The following ABCA3 variants were observed in gnomAD, a reference collection of about 807,000 sequenced individuals.
ABCA3 encodes the protein phospholipid-transporting ATPase ABCA3.
In ABCA3, 88 loss-of-function variants were observed where a neutral mutation model predicts 172.8. That is an observed-to-expected ratio of 0.51 (90% confidence interval 0.43 to 0.61). The LOEUF (loss-of-function observed/expected upper bound fraction) is 0.61. Among genes scored for constraint, ABCA3 ranks in the 20% least tolerant of loss-of-function variants. The pLI is 0.00. For synonymous variants in ABCA3, 1,066 were observed against 983.8 expected, an observed-to-expected ratio of 1.08 and a Z score of -1.56; for missense variants, 2,164 against 2,301.0, an observed-to-expected ratio of 0.94 and a Z score of 1.22.
At position 2,297,329 on chromosome 16, in the gene ABCA3, C is replaced by T. The variant is rs780830278; in HGVS notation, c.2263G>A (p.Gly755Ser). 24 of 1,610,366 alleles carry T rather than the reference C, an allele frequency of 1.5e-5. No individual in the cohort carries two copies. Among genetic ancestry groups the T allele is most frequent in the East Asian group, 2.2e-5 (1 of 44,854 alleles). Reference protein sequence around the residue: ...GSSLFLKQKYGAGYHMTLVKE... With the variant: ...GSSLFLKQKYSAGYHMTLVKE... ...GTCGCGGGCTGGCCCCACCGCTCAC[C>T]GTATTTCTGCTTGAGGAACAGCGAG... The change falls in exon 17 of 33, where the codon GGT becomes AGT. Residue 755 changes from glycine to serine, a missense_variant and splice_region_variant. Physicochemically the swap from Gly to Ser is moderately conservative, Grantham distance 56 (BLOSUM62 0). Coordinates refer to ENST00000301732, the MANE Select transcript of ABCA3 (RefSeq NM_001089.3). The surrounding 1 kb of genome is among the most constrained non-coding windows in gnomAD (Gnocchi z 5.6).
At chr16:2,301,839 G>A (rs929164008) in intron 12 of ABCA3, among the ~76,000 whole-genome samples, 3 of 152,190 alleles carry the variant, frequency 2.0e-5, no homozygotes, top group Non-Finnish European at 4.4e-5. Context: ...TTGGGAGCAA[G>A]CCCCCCAAAG....
rs904552068 is a variant in ABCA3, at chr16:2,277,685, G to A, written c.4910-15C>T. On this transcript the variant is annotated splice_polypyrimidine_tract_variant and intron_variant, in intron 31 of 32. Coordinates refer to ENST00000301732, the MANE Select transcript of ABCA3 (RefSeq NM_001089.3). This position sits in a 1 kb window ranked among gnomAD's most constrained non-coding sequence, Gnocchi z 5.3. ...CAGGACGCTGCCTGCACAAAGGAGAGACGGTGTTGCTGTGAGCGCCGGGCT... is the reference window on the plus strand; with the variant it reads ...CAGGACGCTGCCTGCACAAAGGAGAAACGGTGTTGCTGTGAGCGCCGGGCT... 1.9e-6 allele frequency: 3 copies of A among 1,613,020 alleles called. No individual in the cohort carries two copies. The highest frequency in any genetic ancestry group is 2.7e-5 in the African/African-American group (2 of 74,952).
Position 2,308,676 on chromosome 16 carries a change from G to A in ABCA3, c.1112-53C>T, listed in dbSNP as rs1185159333. 7 of 1,606,608 alleles carry A rather than the reference G, an allele frequency of 4.4e-6. No individual in the cohort carries two copies. The South Asian group carries it at 5.5e-5, about 13-fold the overall frequency. ...GTGAGCGTCAGTGCCCTCAAAAGGG[G>A]CTTGGGCTCCCCGAGGTACAGGCAA... On this transcript the variant is annotated intron_variant, in intron 10 of 32. Coordinates refer to ENST00000301732, the MANE Select transcript of ABCA3 (RefSeq NM_001089.3).
rs2093745367 is a variant in ABCA3, at chr16:2,332,701, GTCT to G, written c.-538-2850_-538-2848del. 3 of 1,515,740 alleles carry G rather than the reference GTCT, an allele frequency of 2.0e-6. No homozygotes were observed. The South Asian group carries it at 3.4e-5, about 17-fold the overall frequency. 93.9% of individuals were successfully genotyped at this position (1,515,740 alleles called of 1,614,324 possible). ...TTTGCAGTGTGCCACAGCTGTGGCT[GTCT>G]TCTTGTGTCCAAAGACCCGCACCGA... is the stretch of plus-strand genomic sequence containing the variant. On this transcript the variant is annotated intron_variant, in intron 1 of 32. Coordinates refer to ENST00000301732, the MANE Select transcript of ABCA3 (RefSeq NM_001089.3).
At chr16:2,280,975 C>G in intron 28 of ABCA3, 52 bp downstream of exon 28, 1 of 1,611,706 alleles carries the variant, frequency 6.2e-7, no homozygotes, top group Middle Eastern at 1.6e-4. Flanking sequence ...CCAGGGTGCC[C>G]CCTCCAGCCA....
At chr16:2,337,809 T>TG (rs1334651993) in intron 1 of ABCA3, among the ~76,000 whole-genome samples, 1 of 152,230 alleles carries the variant, frequency 6.6e-6, no homozygotes, top group East Asian at 1.9e-4. Flanking sequence ...TCGCAGGCCC[T>TG]GATGGAGCCC....
At chr16:2,322,864 G>C (rs1159337264) in intron 7 of ABCA3, among the ~76,000 whole-genome samples, 3 of 152,094 alleles carry the variant, frequency 2.0e-5, no homozygotes, top group South Asian at 4.1e-4. Flanking sequence ...AGAGTGAACA[G>C]GGAACCTACA....
Position 2,295,630 on chromosome 16 carries a change from C to T in ABCA3, c.2374G>A (p.Ala792Thr). ...PNATLESSAG[A>T]ELSFILPRES... ...CTGGGAAGGATGAAAGACAGCTCGG[C>T]CCCAGCGCTGCTCTCCAGCGTGGCG... Residue 792 changes from alanine (A) to threonine (T), a missense_variant, in exon 18 of 33, where the codon GCC (alanine) becomes ACC (threonine). Ala to Thr is a moderately conservative substitution (Grantham distance 58). Transcript: ENST00000301732. The T allele has an allele frequency of 2.5e-6, 4 of 1,613,938 alleles. No homozygotes were observed. In the South Asian group the frequency reaches 4.4e-5, roughly 18 times the overall value.
At chr16:2,276,941 A>G in intron 32 of ABCA3, 136 bp from the exon 33 acceptor site, 1 of 1,333,828 alleles carries the variant, frequency 7.5e-7, no homozygotes, top group East Asian at 2.4e-5. Flanking sequence ...CCAGAGCCCC[A>G]GAGAGGTCAG....
intron 11 of ABCA3, among the ~76,000 whole-genome samples, chr16:2,304,769 G>A (rs781636114): frequency 3.3e-5 from 5 of 150,684 alleles, no homozygotes; most frequent in Non-Finnish European, 4.4e-5. Flanking sequence ...TCCACCTCCC[G>A]GGTTCACGCC....
rs1311163305 is a variant in ABCA3 at position 2,277,198 on chromosome 16, C to A, written c.4984-393G>T. Among the ~76,000 whole-genome samples, 1 of 152,172 alleles carries A rather than the reference C, an allele frequency of 6.6e-6. No homozygotes were observed. On this transcript the variant is annotated intron_variant, in intron 32 of 32. Coordinates refer to ENST00000301732, the MANE Select transcript of ABCA3 (RefSeq NM_001089.3). The surrounding 1 kb of genome is among the most constrained non-coding windows in gnomAD (Gnocchi z 5.3). Reference sequence around the variant, plus strand: ...GCAGTCTCGAACTCCCAGGCTCAAGCGATCCTCCCACCTTAGCCTCCCGAG... The same window carrying A: ...GCAGTCTCGAACTCCCAGGCTCAAGAGATCCTCCCACCTTAGCCTCCCGAG...
intron 12 of ABCA3, among the ~76,000 whole-genome samples, chr16:2,300,788 T>G (rs1160652281): frequency 6.6e-6 from 1 of 152,158 alleles, no homozygotes; most frequent in Non-Finnish European, 1.5e-5. Flanking sequence ...CTTGGCAGGA[T>G]CAGTGCCAGG....
chr16:2,316,469 A>T (rs1398220790), intron 10 of ABCA3, among the ~76,000 whole-genome samples: 5 of 130,984 alleles, frequency 3.8e-5, no homozygotes, highest in African/African-American at 1.4e-4. Context: ...ACATGGCAAA[A>T]CCCCGTCTCT....
chr16:2,287,305 A>G lies in ABCA3; in HGVS notation c.3005-338T>C, dbSNP rs2093664680. Among the ~76,000 whole-genome samples the G allele has an allele frequency of 6.6e-6, 1 of 150,970 alleles. No individual in the cohort carries two copies. Among genetic ancestry groups the G allele is most frequent in the African/African-American group, 2.4e-5 (1 of 41,134 alleles). ...GACTCTTTCTTTTTTTTTTTGAGACAGTCTTGCTCTGTCACCCAGGCTGGA... is the reference window on the plus strand; with the variant it reads ...GACTCTTTCTTTTTTTTTTTGAGACGGTCTTGCTCTGTCACCCAGGCTGGA... On this transcript the variant is annotated intron_variant, in intron 21 of 32. Coordinates refer to ENST00000301732, the MANE Select transcript of ABCA3 (RefSeq NM_001089.3). This position sits in a 1 kb window ranked among gnomAD's most constrained non-coding sequence, Gnocchi z 4.1.
Position 2,298,500 on chromosome 16 carries a change from C to T in ABCA3, c.1782G>A (p.Gly594=). The T allele has an allele frequency of 1.2e-6, 2 of 1,614,046 alleles. No homozygotes were observed. Among genetic ancestry groups the T allele is most frequent in the African/African-American group, 1.3e-5 (1 of 75,062 alleles). Residue 594 remains glycine, a synonymous_variant, in exon 15 of 33, where the codon GGG becomes GGA. Transcript: ENST00000301732. ...GAACCATGTCCTGGGAAATTTCATA[C>T]CCGCTGATGTATGCCCGTCCACTGG... is the stretch of plus-strand genomic sequence containing the variant. ...PPTSGRAYIS[G]YEISQDMVQI...
chr16:2,324,887 T>A (rs144278086), intron 5 of ABCA3, among the ~76,000 whole-genome samples: 1 of 152,138 alleles, frequency 6.6e-6, no homozygotes, highest in Non-Finnish European at 1.5e-5. Context: ...CAGAATGGTG[T>A]GTTTTTACAA....
intron 7 of ABCA3, among the ~76,000 whole-genome samples, chr16:2,322,503 A>G (rs1355446112): frequency 2.0e-5 from 3 of 148,188 alleles, no homozygotes; most frequent in African/African-American, 4.9e-5. Flanking sequence ...AACATTAGGT[A>G]TATCTCCTAA....
chr16:2,302,115 T>C (rs532118967), intron 12 of ABCA3, among the ~76,000 whole-genome samples: 454 of 152,368 alleles, frequency 3.0e-3, no homozygotes, highest in Non-Finnish European at 3.2e-3. Flanking sequence ...GGAATATCTA[T>C]AGAAACAATG....
chr16:2,285,747 G>T lies in ABCA3; in HGVS notation c.3279-101C>A. The T allele has an allele frequency of 8.7e-7, 1 of 1,150,496 alleles. No homozygotes were observed. The highest frequency in any genetic ancestry group is 1.3e-6 in the Non-Finnish European group (1 of 790,450). 71.3% of individuals were successfully genotyped at this position (1,150,496 alleles called of 1,614,324 possible). ...ACCGCCCAAGGCATGCAGGGCAGCA[G>T]CCCAACCACTAAAGGGGCTTATGGG... On this transcript the variant is annotated intron_variant, in intron 22 of 32. Transcript: ENST00000301732. The surrounding 1 kb of genome is among the most constrained non-coding windows in gnomAD (Gnocchi z 4.7).
Sources: gnomAD v4.1 joint callset for allele counts (sites outside exome capture counted in the v4.1 genomes callset) on GRCh38, gnomAD v4.1.1 for gene constraint, Gnocchi (gnomAD v3.1) non-coding constraint, MANE v1.5 for transcripts, NCBI Gene and HGNC (gene_info 2026-07-23, HGNC 2026-07-21) for gene names.